Variants in STARD3NL observed in about 807,000 individuals in gnomAD.
The protein encoded by STARD3NL is STARD3 N-terminal like, also known as STARD3 N-terminal-like protein.
STARD3NL carries 17 observed loss-of-function variants against 30.9 expected under a neutral mutation model. The observed-to-expected ratio is 0.55, with a 90% confidence interval of 0.38 to 0.82. STARD3NL has a LOEUF of 0.82. Among genes scored for constraint, STARD3NL ranks in the 40% least tolerant of loss-of-function variants. The pLI, the probability that STARD3NL is intolerant of heterozygous loss-of-function variation, is 0.00. For synonymous variants in STARD3NL, 112 were observed against 100.5 expected, an observed-to-expected ratio of 1.11 and a Z score of -0.69; for missense variants, 234 against 277.6, an observed-to-expected ratio of 0.84 and a Z score of 1.12.
At chr7:38,180,337 C>T (rs1784196936) in intron 1 of STARD3NL, among the ~76,000 whole-genome samples, 1 of 152,140 alleles carries the variant, frequency 6.6e-6, no homozygotes, top group East Asian at 1.9e-4. Flanking sequence ...GCTTTTAATC[C>T]TTTCTACTTC....
intron 1 of STARD3NL, among the ~76,000 whole-genome samples, chr7:38,193,177 T>G (rs1013464999): frequency 2.0e-5 from 3 of 152,140 alleles, no homozygotes; most frequent in Non-Finnish European, 4.4e-5. Context: ...TTTCAAAGCT[T>G]TTGGCCTAAA....
chr7:38,200,935 T>C (rs1785145619), intron 1 of STARD3NL, among the ~76,000 whole-genome samples: 1 of 152,220 alleles, frequency 6.6e-6, no homozygotes, highest in Non-Finnish European at 1.5e-5. Flanking sequence ...AGTATGTTTC[T>C]AACATGAGTC....
At chr7:38,190,566 T>G (rs1454271245) in intron 1 of STARD3NL, among the ~76,000 whole-genome samples, 1 of 152,218 alleles carries the variant, frequency 6.6e-6, no homozygotes, top group Non-Finnish European at 1.5e-5. Flanking sequence ...ATAAGTTGCA[T>G]ACATGATGAC....
chr7:38,209,360 G>T (rs913643257), intron 2 of STARD3NL, among the ~76,000 whole-genome samples: 2 of 151,540 alleles, frequency 1.3e-5, no homozygotes, highest in Non-Finnish European at 2.9e-5. Flanking sequence ...CTTGGCTCAC[G>T]CAACTGCCAC....
At chr7:38,191,972 GA>G (rs1784705139) in intron 1 of STARD3NL, among the ~76,000 whole-genome samples, 1 of 151,826 alleles carries the variant, frequency 6.6e-6, no homozygotes. Flanking sequence ...TCAGTTTGAG[GA>G]GAATTGATAT....
intron 7 of STARD3NL, among the ~76,000 whole-genome samples, chr7:38,221,952 A>G (rs1368123846): frequency 1.3e-5 from 2 of 152,034 alleles, no homozygotes; most frequent in East Asian, 3.9e-4. Flanking sequence ...AGCCATGCCT[A>G]CCCTTCCCAT....
chr7:38,181,945 C>G (rs1439054802), intron 1 of STARD3NL, among the ~76,000 whole-genome samples: 1 of 152,172 alleles, frequency 6.6e-6, no homozygotes, highest in Non-Finnish European at 1.5e-5. Flanking sequence ...ACCTGTCCCT[C>G]TAAGTCCACT....
At position 38,181,296 on chromosome 7, in the gene STARD3NL, A is replaced by T. The variant is rs1318436740; in HGVS notation, c.-59+2876A>T. ...AATATTGCCTACAGTTTGCTAACTC[A>T]TAGTTTCTCTTAGCAAGTAGAGTTT... On this transcript the variant is annotated intron_variant, in intron 1 of 8. Coordinates refer to ENST00000009041, the MANE Select transcript of STARD3NL (RefSeq NM_032016.4). Among the ~76,000 whole-genome samples, 8 of 152,242 alleles carry T rather than the reference A, an allele frequency of 5.3e-5. No individual in the cohort carries two copies. The East Asian group carries it at 1.5e-3, about 29-fold the overall frequency.
rs571373275 is a variant in STARD3NL at position 38,195,880 on chromosome 7, T to C, written c.-58-11567T>C. 7.9e-5 allele frequency among the ~76,000 whole-genome samples: 12 copies of C among 152,316 alleles called. No individual in the cohort carries two copies. In the South Asian group the frequency reaches 2.3e-3, roughly 29 times the overall value. On this transcript the variant is annotated intron_variant, in intron 1 of 8. Transcript: ENST00000009041. The stretch of plus-strand genomic sequence containing the variant: ...TGTAGGTCATTAGAAATATCTAGAC[T>C]CCATCTCCCAAGAAACTACTCCGTA...
intron 7 of STARD3NL, among the ~76,000 whole-genome samples, chr7:38,225,904 A>T (rs1349694677): frequency 6.6e-6 from 1 of 152,122 alleles, no homozygotes; most frequent in Non-Finnish European, 1.5e-5. Context: ...ATCTGTGTTT[A>T]TTCTCCTTAT....
rs1259465319 is a variant in STARD3NL, at chr7:38,201,351, C to CT, written c.-58-6089dup. Among the ~76,000 whole-genome samples the CT allele has an allele frequency of 1.3e-5, 2 of 151,942 alleles. 1 individual carries two copies. Among genetic ancestry groups the CT allele is most frequent in the Admixed American group, 1.3e-4 (2 of 15,250 alleles). On this transcript the variant is annotated intron_variant, in intron 1 of 8. Transcript: ENST00000009041. ...TGTATTTCCATTGTGTATTTAATGT[C>CT]TTTTTTTATTTTGAAATATATTTCA...
chr7:38,190,922 G>T (rs1784661936), intron 1 of STARD3NL, among the ~76,000 whole-genome samples: 1 of 152,066 alleles, frequency 6.6e-6, no homozygotes, highest in Non-Finnish European at 1.5e-5. Flanking sequence ...TATCACAATT[G>T]ATGTTATATA....
At chr7:38,183,436 C>A (rs1182232726) in intron 1 of STARD3NL, among the ~76,000 whole-genome samples, 1 of 152,186 alleles carries the variant, frequency 6.6e-6, no homozygotes, top group Admixed American at 6.5e-5. Context: ...TTATTTCCTG[C>A]ATAGCATTTA....
At chr7:38,199,165 A>C (rs1039786992) in intron 1 of STARD3NL, among the ~76,000 whole-genome samples, 1 of 152,222 alleles carries the variant, frequency 6.6e-6, no homozygotes, top group Non-Finnish European at 1.5e-5. Flanking sequence ...GTTGGGATAA[A>C]TTCTGAATTG....
intron 1 of STARD3NL, among the ~76,000 whole-genome samples, chr7:38,191,160 G>C (rs1470102656): frequency 1.3e-5 from 2 of 152,172 alleles, no homozygotes; most frequent in Non-Finnish European, 1.5e-5. Flanking sequence ...GTCCTTGCCT[G>C]AATCTGTTAC....
chr7:38,181,293 C>G (rs1424079014), intron 1 of STARD3NL, among the ~76,000 whole-genome samples: 2 of 152,176 alleles, frequency 1.3e-5, no homozygotes, highest in Non-Finnish European at 2.9e-5. Context: ...AGTTTGCTAA[C>G]TCATAGTTTC....
At chr7:38,213,055 CA>C (rs902714766) in intron 2 of STARD3NL, among the ~76,000 whole-genome samples, 13 of 152,120 alleles carry the variant, frequency 8.5e-5, no homozygotes, top group African/African-American at 2.9e-4. Context: ...CTATTTATTG[CA>C]AAACTCTATG....
rs144677316 is a variant in STARD3NL at position 38,200,586 on chromosome 7, A to T, written c.-58-6861A>T. ...AGAAGCCAGTCTTATTTTAAGGGCT[A>T]ATAATGCAGAAATCAAGAGTTTCCT... On this transcript the variant is annotated intron_variant, in intron 1 of 8. Transcript: ENST00000009041. 3.0e-3 allele frequency among the ~76,000 whole-genome samples: 450 copies of T among 152,310 alleles called. 3 individuals carry two copies. Among genetic ancestry groups the T allele is most frequent in the Middle Eastern group, 0.014 (4 of 294 alleles).
chr7:38,230,218 T>C lies in STARD3NL; in HGVS notation c.*313T>C, dbSNP rs1306324455. On this transcript the variant is annotated 3_prime_UTR_variant, in exon 9 of 9. Transcript: ENST00000009041. ...CTGTATTCCTAATCAAAAGACTTAA[T>C]ATATTGAAGTAACACTTTTTTAGTA... 1 of 152,658 alleles carries C rather than the reference T, an allele frequency of 6.6e-6. No homozygotes were observed. The highest frequency in any genetic ancestry group is 2.4e-5 in the African/African-American group (1 of 41,464). 9.5% of individuals were successfully genotyped at this position (152,658 alleles called of 1,614,324 possible).
Sources: gnomAD v4.1 joint callset for allele counts (sites outside exome capture counted in the v4.1 genomes callset) on GRCh38, gnomAD v4.1.1 for gene constraint, MANE v1.5 for transcripts, NCBI Gene and HGNC (gene_info 2026-07-23, HGNC 2026-07-21) for gene names.